SLC36A1: variants seen among roughly 807,000 people sequenced by gnomAD.
SLC36A1 encodes solute carrier family 36 member 1.
Under a neutral mutation model 47.5 loss-of-function variants are expected in SLC36A1, and 30 were observed. The ratio of observed to expected loss-of-function variants is 0.63; its 90% CI spans 0.47 to 0.86. The LOEUF (loss-of-function observed/expected upper bound fraction) is 0.86, where lower values mean the gene tolerates loss of function less well. Among genes scored for constraint, SLC36A1 ranks in the 40% least tolerant of loss-of-function variants. SLC36A1 has a pLI of 0.00. For missense variants in SLC36A1, 517 were observed against 606.0 expected (o/e 0.85, Z 1.54); for synonymous variants, 255 against 249.7 (o/e 1.02, Z -0.20).
the SLC36A1 span, chr5:151,380,772 T>C: frequency 7.5e-6 from 4 of 533,112 alleles, no homozygotes; most frequent in African/African-American, 3.8e-5. Context: ...ATGGTGGACA[T>C]TGTGAGCGCA....
chr5:151,442,473 T>A (rs1467911670), intron 1 of SLC36A1, among the ~76,000 whole-genome samples: 1 of 152,202 alleles, frequency 6.6e-6, no homozygotes, highest in Non-Finnish European at 1.5e-5. Context: ...ATATCCATCA[T>A]CTCAAACGCT....
chr5:151,422,537 G>A, the SLC36A1 span, among the ~76,000 whole-genome samples: 1 of 152,086 alleles, frequency 6.6e-6, no homozygotes, highest in African/African-American at 2.4e-5. Context: ...GACCAGCCTG[G>A]GCAACATAGA....
rs574875265 is a variant in SLC36A1, at chr5:151,486,323, A to G, written c.1160-1660A>G. 2.0e-3 allele frequency among the ~76,000 whole-genome samples: 298 copies of G among 152,020 alleles called. 4 individuals carry two copies. The highest frequency in any genetic ancestry group is 6.9e-3 in the African/African-American group (287 of 41,378). On this transcript the variant is annotated intron_variant, in intron 10 of 10. Transcript: ENST00000243389. ...ACTCAAACACTTCCCACCAGGCCCC[A>G]CCTCTGACATTGGGGATCACATTTC...
the SLC36A1 span, among the ~76,000 whole-genome samples, chr5:151,498,922 G>C: frequency 6.6e-6 from 1 of 152,298 alleles, no homozygotes; most frequent in African/African-American, 2.4e-5. Context: ...ACCTGCCTGC[G>C]CTGGAGACGT....
At chr5:151,408,614 G>T in the SLC36A1 span, among the ~76,000 whole-genome samples, 1 of 152,106 alleles carries the variant, frequency 6.6e-6, no homozygotes, top group South Asian at 2.1e-4. Flanking sequence ...AACATTGTAT[G>T]TCCCCTCCCC....
the SLC36A1 span, chr5:151,543,844 A>G: frequency 0.99 from 1,606,002 of 1,614,192 alleles, 798,927 homozygotes; most frequent in East Asian, 1. Context: ...GCTGTTAATG[A>G]AGAAGTGCCT....
chr5:151,371,787 A>G, the SLC36A1 span, among the ~76,000 whole-genome samples: 1 of 152,134 alleles, frequency 6.6e-6, no homozygotes, highest in African/African-American at 2.4e-5. Flanking sequence ...AAAACTTTCT[A>G]CCTAATAGCA....
the SLC36A1 span, among the ~76,000 whole-genome samples, chr5:151,519,338 C>T: frequency 6.6e-6 from 1 of 152,310 alleles, no homozygotes; most frequent in South Asian, 2.1e-4. Context: ...AGCGAGACTT[C>T]ATCTCAAAAA....
chr5:151,385,134 AT>A, the SLC36A1 span, among the ~76,000 whole-genome samples: 2 of 152,004 alleles, frequency 1.3e-5, no homozygotes, highest in African/African-American at 4.8e-5. Context: ...CTGGTTGCAA[AT>A]TGGCCACCTG....
chr5:151,513,255 GTAAT>G, the SLC36A1 span, among the ~76,000 whole-genome samples: 3 of 152,142 alleles, frequency 2.0e-5, no homozygotes, highest in East Asian at 5.8e-4. Flanking sequence ...CTTTCGGAAA[GTAAT>G]TATTTTTCAT....
At chr5:151,499,805 C>G in the SLC36A1 span, among the ~76,000 whole-genome samples, 5 of 152,218 alleles carry the variant, frequency 3.3e-5, no homozygotes, top group Admixed American at 6.5e-5. Flanking sequence ...TTTCCCAATT[C>G]TTACACCGTT....
At chr5:151,552,272 C>T in the SLC36A1 span, among the ~76,000 whole-genome samples, 1 of 152,122 alleles carries the variant, frequency 6.6e-6, no homozygotes. Flanking sequence ...AGGTGCGAGC[C>T]ACTGTGCCCA....
At chr5:151,378,988 T>C in the SLC36A1 span, among the ~76,000 whole-genome samples, 1 of 152,310 alleles carries the variant, frequency 6.6e-6, no homozygotes, top group East Asian at 1.9e-4. Context: ...GGAACAATAA[T>C]AAATTACACA....
At chr5:151,501,034 G>T in the SLC36A1 span, among the ~76,000 whole-genome samples, 2 of 152,192 alleles carry the variant, frequency 1.3e-5, no homozygotes, top group Non-Finnish European at 2.9e-5. Flanking sequence ...GCAGGGAGGT[G>T]CTGTGTGGAC....
chr5:151,427,359 C>T, the SLC36A1 span, among the ~76,000 whole-genome samples: 86 of 152,298 alleles, frequency 5.6e-4, no homozygotes, highest in East Asian at 0.015. Flanking sequence ...TGAGAGACAT[C>T]GGCAAATTAC....
At position 151,469,404 on chromosome 5, in the gene SLC36A1, T is replaced by A. The variant is rs536456548; in HGVS notation, c.723+1479T>A. 3 of 573,550 alleles carry A rather than the reference T, an allele frequency of 5.2e-6. No homozygotes were observed. In the African/African-American group the frequency reaches 5.6e-5, roughly 11 times the overall value. The allele number at this position is 573,550 out of a possible 1,614,324, so 35.5% of individuals were successfully genotyped here. Reference sequence around the variant, plus strand: ...CCTTAGTGAGCCTTCCAGGTTAGTATTCCTGGCTCTACCTTGTTGTTGTTA... The same window carrying A: ...CCTTAGTGAGCCTTCCAGGTTAGTAATCCTGGCTCTACCTTGTTGTTGTTA... On this transcript the variant is annotated intron_variant, in intron 7 of 10. Transcript: ENST00000243389.
At chr5:151,401,567 A>C in the SLC36A1 span, among the ~76,000 whole-genome samples, 1 of 152,066 alleles carries the variant, frequency 6.6e-6, no homozygotes, top group African/African-American at 2.4e-5. Flanking sequence ...TGAAAAATAA[A>C]ATTTGTAGTT....
chr5:151,472,104 G>A (rs1041321086), intron 7 of SLC36A1, among the ~76,000 whole-genome samples: 2 of 152,188 alleles, frequency 1.3e-5, no homozygotes, highest in East Asian at 3.8e-4. Flanking sequence ...TAGGATAGAT[G>A]TACATATATA....
At chr5:151,470,881 A>G (rs1319371196) in intron 7 of SLC36A1, 2 of 152,172 alleles carry the variant, frequency 1.3e-5, no homozygotes, top group Non-Finnish European at 2.9e-5. Context: ...TGTCTTCAGC[A>G]TGTGGAGTCT....
Sources: gnomAD v4.1 joint callset for allele counts (sites outside exome capture counted in the v4.1 genomes callset) on GRCh38, gnomAD v4.1.1 for gene constraint, MANE v1.5 for transcripts, NCBI Gene and HGNC (gene_info 2026-07-23, HGNC 2026-07-21) for gene names.